SNTG2: variants seen among roughly 807,000 people sequenced by gnomAD.
SNTG2 encodes the protein syntrophin gamma 2.
Under a neutral mutation model 70.9 loss-of-function variants are expected in SNTG2, and 74 were observed. The observed-to-expected ratio is 1.04, with a 90% CI of 0.86 to 1.27. The LOEUF is 1.27. SNTG2 is among the 50% of genes most tolerant of loss of function. The pLI, the probability that SNTG2 is intolerant of heterozygous loss-of-function variation, is 0.00. For synonymous variants in SNTG2, 278 were observed against 273.8 expected, an observed-to-expected ratio of 1.02 and a Z score of -0.15; for missense variants, 717 against 690.7, an observed-to-expected ratio of 1.04 and a Z score of -0.43.
chr2:1,274,231 G>A (rs140102411), intron 14 of SNTG2, among the ~76,000 whole-genome samples: 2 of 152,222 alleles, frequency 1.3e-5, no homozygotes, highest in Non-Finnish European at 2.9e-5. Context: ...TAAATGTAAA[G>A]ACAAATTCGC....
At chr2:989,010 T>A (rs185244409) in intron 1 of SNTG2, among the ~76,000 whole-genome samples, 87 of 152,338 alleles carry the variant, frequency 5.7e-4, no homozygotes, top group African/African-American at 2.0e-3. Context: ...GTAATTTTTT[T>A]AAATTTCAGT....
intron 2 of SNTG2, 99 bp downstream of exon 2, chr2:1,083,754 C>G (rs1323490058): frequency 2.5e-5 from 34 of 1,361,926 alleles, no homozygotes; most frequent in African/African-American, 1.4e-5. Flanking sequence ...TGAGCAAAAG[C>G]TGCTACTCGT....
intron 16 of SNTG2, among the ~76,000 whole-genome samples, chr2:1,323,930 A>G (rs1558208523): frequency 6.8e-6 from 1 of 146,904 alleles, no homozygotes; most frequent in Non-Finnish European, 1.5e-5. Context: ...TCCCCAACCC[A>G]GGTTAGTCAG....
At chr2:1,050,037 C>G (rs879035825) in intron 1 of SNTG2, among the ~76,000 whole-genome samples, 5 of 152,126 alleles carry the variant, frequency 3.3e-5, no homozygotes, top group Non-Finnish European at 7.4e-5. Flanking sequence ...GCCAGTGTTT[C>G]TCCTGGGTTG....
At chr2:1,306,499 A>G (rs1040594211) in intron 14 of SNTG2, among the ~76,000 whole-genome samples, 3 of 152,222 alleles carry the variant, frequency 2.0e-5, no homozygotes, top group African/African-American at 7.2e-5. Flanking sequence ...ACAAGTGAGG[A>G]AGAGCCTCCC....
intron 1 of SNTG2, among the ~76,000 whole-genome samples, chr2:1,019,146 G>A (rs1185572926): frequency 6.6e-6 from 1 of 152,172 alleles, no homozygotes; most frequent in African/African-American, 2.4e-5. Flanking sequence ...CACTGATGGA[G>A]GGACGTCATG....
chr2:1,238,967 A>C (rs1236880333), intron 10 of SNTG2, among the ~76,000 whole-genome samples: 1 of 152,214 alleles, frequency 6.6e-6, no homozygotes, highest in East Asian at 1.9e-4. Context: ...GGGAAGCAGC[A>C]ATGTGTGACA....
At chr2:1,348,476 C>G (rs931684515) in intron 16 of SNTG2, among the ~76,000 whole-genome samples, 1 of 152,238 alleles carries the variant, frequency 6.6e-6, no homozygotes, top group African/African-American at 2.4e-5. Flanking sequence ...CTCCACAATC[C>G]TTTATCTTAA....
At chr2:964,705 C>T (rs999195317) in intron 1 of SNTG2, among the ~76,000 whole-genome samples, 2 of 152,150 alleles carry the variant, frequency 1.3e-5, no homozygotes, top group Admixed American at 6.5e-5. Context: ...ACACGGGGAG[C>T]TCTGGGGTGA....
chr2:964,585 G>A (rs1660463604), intron 1 of SNTG2, among the ~76,000 whole-genome samples: 2 of 152,168 alleles, frequency 1.3e-5, no homozygotes, highest in Admixed American at 6.5e-5. Flanking sequence ...GGGCCCTGAG[G>A]GATGAGGCCT....
intron 1 of SNTG2, among the ~76,000 whole-genome samples, chr2:1,019,578 A>G (rs73908656): frequency 0.27 from 41,286 of 152,170 alleles, 5,986 homozygotes; most frequent in Middle Eastern, 0.38. Flanking sequence ...CTGGAAAGAA[A>G]GGAAATGGAA....
intron 7 of SNTG2, among the ~76,000 whole-genome samples, chr2:1,165,954 G>A (rs1194300076): frequency 3.3e-5 from 5 of 152,112 alleles, no homozygotes; most frequent in Non-Finnish European, 5.9e-5. Flanking sequence ...TAGAAGCAAA[G>A]TTTACACGTA....
intron 4 of SNTG2, among the ~76,000 whole-genome samples, chr2:1,121,499 A>G (rs944476491): frequency 1.3e-5 from 2 of 152,224 alleles, no homozygotes; most frequent in Non-Finnish European, 2.9e-5. Flanking sequence ...CTTCATCTGT[A>G]TTAGTCCGTT....
chr2:960,813 A>G (rs892680654), intron 1 of SNTG2, among the ~76,000 whole-genome samples: 2 of 146,958 alleles, frequency 1.4e-5, no homozygotes, highest in African/African-American at 5.1e-5. Flanking sequence ...ATGCCTGTTC[A>G]TGGGAGCACG....
At chr2:1,203,857 C>T (rs757052490) in intron 8 of SNTG2, among the ~76,000 whole-genome samples, 5 of 152,014 alleles carry the variant, frequency 3.3e-5, no homozygotes, top group East Asian at 3.9e-4. Flanking sequence ...ATGCAAGCTT[C>T]GTACAACATT....
rs556371566 is a variant in SNTG2 at position 1,232,906 on chromosome 2, CCTT to C, written c.720-4981_720-4979del. 9.5e-4 allele frequency among the ~76,000 whole-genome samples: 144 copies of C among 152,284 alleles called. 1 individual carries two copies. Among genetic ancestry groups the C allele is most frequent in the African/African-American group, 1.3e-3 (54 of 41,552 alleles). On this transcript the variant is annotated intron_variant, in intron 9 of 16. Coordinates refer to ENST00000308624, the MANE Select transcript of SNTG2 (RefSeq NM_018968.4). ...GCACACACACACACATGCACACTCT[CCTT>C]ATTTTCCAAAGCATGAAGGCTTAAA...
At chr2:1,010,609 G>A (rs10169243) in intron 1 of SNTG2, among the ~76,000 whole-genome samples, 20,251 of 152,274 alleles carry the variant, frequency 0.13, 1,471 homozygotes, top group Middle Eastern at 0.2. Flanking sequence ...AAGAAACAGA[G>A]TCTCTTTTCA....
chr2:1,030,154 A>G (rs1453091924), intron 1 of SNTG2, among the ~76,000 whole-genome samples: 1 of 152,142 alleles, frequency 6.6e-6, no homozygotes. Context: ...CTCTCATTGC[A>G]TGCACTGGTT....
intron 14 of SNTG2, among the ~76,000 whole-genome samples, chr2:1,297,519 GC>G (rs1350347402): frequency 6.6e-6 from 1 of 152,018 alleles, no homozygotes; most frequent in Non-Finnish European, 1.5e-5. Context: ...CTTCCCATCA[GC>G]CCAGCCCTGC....
Sources: allele counts gnomAD v4.1 joint callset (sites outside exome capture counted in the v4.1 genomes callset), GRCh38; gene constraint gnomAD v4.1.1; transcripts MANE v1.5; gene names NCBI Gene and HGNC (gene_info 2026-07-23, HGNC 2026-07-21).